The following FAM124A variants were observed in gnomAD, a reference collection of about 807,000 sequenced individuals.
The protein encoded by FAM124A is protein FAM124A.
FAM124A carries 23 observed loss-of-function variants against 24.5 expected under a neutral mutation model. The observed-to-expected ratio is 0.94, with a 90% CI of 0.68 to 1.33. The LOEUF (loss-of-function observed/expected upper bound fraction) is 1.33. Ranked by LOEUF, FAM124A falls within the 40% of genes most tolerant of loss-of-function variation. FAM124A has a pLI of 0.00. For missense variants in FAM124A, 623 were observed against 722.8 expected, an observed-to-expected ratio of 0.86 and a Z score of 1.58; for synonymous variants, 287 against 314.7, an observed-to-expected ratio of 0.91 and a Z score of 0.93.
chr13:51,276,743 G>A (rs553493908), intron 3 of FAM124A, among the ~76,000 whole-genome samples: 9 of 152,284 alleles, frequency 5.9e-5, no homozygotes, highest in East Asian at 3.9e-4. Context: ...ATGTGAACCC[G>A]TTGCCCAATT....
At chr13:51,276,956 T>TG (rs1475197578) in intron 3 of FAM124A, among the ~76,000 whole-genome samples, 1 of 152,086 alleles carries the variant, frequency 6.6e-6, no homozygotes, top group Non-Finnish European at 1.5e-5. Flanking sequence ...CCAGGGCTCC[T>TG]GGGGGAGGGG....
At chr13:51,237,197 G>GT (rs1954443166) in intron 2 of FAM124A, among the ~76,000 whole-genome samples, 1 of 152,258 alleles carries the variant, frequency 6.6e-6, no homozygotes, top group African/African-American at 2.4e-5. Context: ...ATTTTCATTA[G>GT]TTTTTTACTT....
At chr13:51,230,039 G>A (rs1354873667) in intron 1 of FAM124A, among the ~76,000 whole-genome samples, 2 of 151,952 alleles carry the variant, frequency 1.3e-5, no homozygotes, top group Non-Finnish European at 1.5e-5. Flanking sequence ...TGTACAGATA[G>A]TATCACTTTA....
At chr13:51,250,968 G>A (rs1954613866) in intron 2 of FAM124A, among the ~76,000 whole-genome samples, 1 of 152,244 alleles carries the variant, frequency 6.6e-6, no homozygotes, top group African/African-American at 2.4e-5. Context: ...GAGCCCATGA[G>A]TGTGTGTTAA....
intron 1 of FAM124A, 36 bp downstream of exon 1, chr13:51,222,605 G>A: frequency 8.2e-7 from 1 of 1,217,224 alleles, no homozygotes; most frequent in South Asian, 4.1e-5. Flanking sequence ...GGCGGGGGGC[G>A]CTCTCCGAGT....
chr13:51,233,665 CAGG>C (rs1424910443), intron 2 of FAM124A, among the ~76,000 whole-genome samples: 2 of 152,118 alleles, frequency 1.3e-5, no homozygotes, highest in African/African-American at 4.8e-5. Flanking sequence ...CACCTACTTT[CAGG>C]AGAAGGCCCC....
chr13:51,270,545 T>A (rs1954830900), intron 3 of FAM124A, among the ~76,000 whole-genome samples: 1 of 152,250 alleles, frequency 6.6e-6, no homozygotes, highest in Admixed American at 6.5e-5. Flanking sequence ...CATAGTGAAT[T>A]CTTGACCTGT....
chr13:51,224,533 C>T (rs959754049), intron 1 of FAM124A, among the ~76,000 whole-genome samples: 3 of 152,122 alleles, frequency 2.0e-5, no homozygotes, highest in Non-Finnish European at 2.9e-5. Context: ...AAATAGCATG[C>T]ATTTCAATGT....
chr13:51,249,827 G>T (rs1304645870), intron 2 of FAM124A, among the ~76,000 whole-genome samples: 1 of 152,164 alleles, frequency 6.6e-6, no homozygotes, highest in African/African-American at 2.4e-5. Flanking sequence ...CATCTTATGG[G>T]CTTATGGGTC....
At chr13:51,259,089 C>G (rs1954705059) in intron 3 of FAM124A, among the ~76,000 whole-genome samples, 1 of 152,130 alleles carries the variant, frequency 6.6e-6, no homozygotes, top group Admixed American at 6.5e-5. Context: ...AGTTCCAAAG[C>G]CCAAAACCAG....
chr13:51,232,161 T>C (rs540563384), intron 2 of FAM124A, among the ~76,000 whole-genome samples: 1 of 152,294 alleles, frequency 6.6e-6, no homozygotes, highest in Admixed American at 6.5e-5. Context: ...ACAAAGACAC[T>C]CTGGTTATTA....
chr13:51,234,975 T>C (rs527371316), intron 2 of FAM124A, among the ~76,000 whole-genome samples: 2 of 152,262 alleles, frequency 1.3e-5, no homozygotes, highest in East Asian at 3.9e-4. Flanking sequence ...CCTCTTTTCC[T>C]CCACCTCACA....
Sources: gnomAD v4.1 joint callset for allele counts (sites outside exome capture counted in the v4.1 genomes callset) on GRCh38, gnomAD v4.1.1 for gene constraint, MANE v1.5 for transcripts, NCBI Gene and HGNC (gene_info 2026-07-23, HGNC 2026-07-21) for gene names.